The following CACNA1D variants were observed in gnomAD, a reference collection of about 807,000 sequenced individuals.
The protein encoded by CACNA1D is voltage-dependent L-type calcium channel subunit alpha-1D.
CACNA1D carries 55 observed loss-of-function variants against 257.1 expected under a neutral mutation model. The ratio of observed to expected loss-of-function variants is 0.21; its 90% CI spans 0.17 to 0.27. The LOEUF (loss-of-function observed/expected upper bound fraction) is 0.27, where lower values mean the gene tolerates loss of function less well. Among genes scored for constraint, CACNA1D ranks in the 10% least tolerant of loss-of-function variants. The pLI is 1.00. For missense variants in CACNA1D, 1,876 were observed against 2,784.0 expected (o/e 0.67, Z 7.34); for synonymous variants, 980 against 1,014.9 (o/e 0.97, Z 0.65).
chr3:53,632,477 C>G (rs1468270154), intron 3 of CACNA1D, among the ~76,000 whole-genome samples: 1 of 152,228 alleles, frequency 6.6e-6, no homozygotes, highest in African/African-American at 2.4e-5. Context: ...TTCTTATCAT[C>G]ATTTGTTCAT....
In CACNA1D at chr3:53,789,944, T is replaced by C. The variant is rs1273825021; in HGVS notation, c.4923+2992T>C. 1.3e-5 allele frequency among the ~76,000 whole-genome samples: 2 copies of C among 152,306 alleles called. No individual in the cohort carries two copies. Among genetic ancestry groups the C allele is most frequent in the South Asian group, 4.1e-4 (2 of 4,820 alleles). ...TGGCTTGAGCTCCTGGATCCATGTG[T>C]GGGAAGGAGCTCGGCATCCGGTGTC... On this transcript the variant is annotated intron_variant, in intron 40 of 47. Coordinates refer to ENST00000350061, the MANE Select transcript of CACNA1D (RefSeq NM_001128840.3). The surrounding 1 kb of genome is among the most constrained non-coding windows in gnomAD (Gnocchi z 4.2).
At chr3:53,747,230 T>G (rs2095178367) in intron 25 of CACNA1D, 72 bp from the exon 26 acceptor site, 2 of 1,327,898 alleles carry the variant, frequency 1.5e-6, no homozygotes, top group Non-Finnish European at 2.2e-6. Flanking sequence ...ATTGGGGCAG[T>G]GTGTCCAACT....
intron 3 of CACNA1D, among the ~76,000 whole-genome samples, chr3:53,529,479 C>G (rs1467252858): frequency 6.6e-6 from 1 of 152,098 alleles, no homozygotes; most frequent in Non-Finnish European, 1.5e-5. Flanking sequence ...TGTAATGTCC[C>G]TGTCTGGCTT....
chr3:53,718,358 G>A lies in CACNA1D; in HGVS notation c.1448G>A (p.Gly483Asp). 1 of 1,614,198 alleles carries A rather than the reference G, an allele frequency of 6.2e-7. No homozygotes were observed. The highest frequency in any genetic ancestry group is 8.5e-7 in the Non-Finnish European group (1 of 1,180,014). ...SVNTENVSGEGENRGCCGSLC... is the reference protein window; with the variant it reads ...SVNTENVSGEDENRGCCGSLC... ...AACACAGAGAACGTCAGCGGTGAAG[G>A]CGAGAACCGAGGCTGCTGTGGAAGT... is the stretch of plus-strand genomic sequence containing the variant. Residue 483 changes from glycine to aspartate, a missense_variant, in exon 10 of 48, where the codon GGC becomes GAC. Coordinates refer to ENST00000350061, the MANE Select transcript of CACNA1D (RefSeq NM_001128840.3).
At chr3:53,749,207 C>A in intron 26 of CACNA1D, 61 bp from the exon 27 acceptor site, 4 of 1,205,742 alleles carry the variant, frequency 3.3e-6, no homozygotes, top group Non-Finnish European at 4.9e-6. Context: ...GGGAAGGCAG[C>A]GGGCTGGGCC....
At chr3:53,753,034 C>T (rs1267910331) in intron 28 of CACNA1D, among the ~76,000 whole-genome samples, 1 of 152,250 alleles carries the variant, frequency 6.6e-6, no homozygotes, top group African/African-American at 2.4e-5. Context: ...TCCAGCACAT[C>T]AAACCAGCTC....
At chr3:53,718,208 A>G in intron 9 of CACNA1D, 93 bp from the exon 10 acceptor site, 2 of 1,057,982 alleles carry the variant, frequency 1.9e-6, no homozygotes, top group Non-Finnish European at 1.5e-6. Context: ...TGGGTTCCGG[A>G]GGTCTGCCTG....
intron 3 of CACNA1D, among the ~76,000 whole-genome samples, chr3:53,629,418 G>T (rs2093797651): frequency 6.6e-6 from 1 of 152,228 alleles, no homozygotes; most frequent in Admixed American, 6.5e-5. Flanking sequence ...CACAGCAGAT[G>T]TTCAGGAACT....
intron 8 of CACNA1D, among the ~76,000 whole-genome samples, chr3:53,700,937 C>T (rs1472924241): frequency 6.7e-6 from 1 of 149,370 alleles, no homozygotes; most frequent in Non-Finnish European, 1.5e-5. Context: ...GGCTGGAGTG[C>T]AATGGTGCAA....
At chr3:53,514,211 A>G (rs1347856116) in intron 3 of CACNA1D, among the ~76,000 whole-genome samples, 1 of 152,140 alleles carries the variant, frequency 6.6e-6, no homozygotes, top group Non-Finnish European at 1.5e-5. Context: ...TGGCAGGGCC[A>G]GGATTCACAC....
At chr3:53,644,398 A>T (rs373107661) in intron 3 of CACNA1D, among the ~76,000 whole-genome samples, 2 of 152,352 alleles carry the variant, frequency 1.3e-5, no homozygotes, top group South Asian at 2.1e-4. Flanking sequence ...TATGTTGTAC[A>T]ATAGATCTCC....
At chr3:53,629,776 C>G (rs1174848709) in intron 3 of CACNA1D, among the ~76,000 whole-genome samples, 2 of 152,226 alleles carry the variant, frequency 1.3e-5, no homozygotes, top group Admixed American at 6.5e-5. Context: ...AGAAAGTTCA[C>G]CACTTTGAGC....
At position 53,723,032 on chromosome 3, in the gene CACNA1D, A is replaced by G. The variant is rs2094897309; in HGVS notation, c.1667-402A>G. ...TGACTGCTTCTGATATCGTCATGCC[A>G]TAAATGAATTCAGACAGATCTTTTC... is the stretch of plus-strand genomic sequence containing the variant. On this transcript the variant is annotated intron_variant, in intron 12 of 47. Coordinates refer to ENST00000350061, the MANE Select transcript of CACNA1D (RefSeq NM_001128840.3). This position sits in a 1 kb window ranked among gnomAD's most constrained non-coding sequence, Gnocchi z 5.6. 1.3e-5 allele frequency among the ~76,000 whole-genome samples: 2 copies of G among 152,204 alleles called. No individual in the cohort carries two copies. The highest frequency in any genetic ancestry group is 2.9e-5 in the Non-Finnish European group (2 of 68,042).
chr3:53,782,276 A>G (rs909172579), intron 39 of CACNA1D: 8 of 140,380 alleles, frequency 5.7e-5, no homozygotes, highest in Middle Eastern at 3.7e-3. Flanking sequence ...ATATATATAT[A>G]TATATATATA....
chr3:53,762,126 C>A, intron 30 of CACNA1D, 45 bp downstream of exon 30: 2 of 1,197,376 alleles, frequency 1.7e-6, no homozygotes, highest in Non-Finnish European at 2.5e-6. Flanking sequence ...CCTCTCTCCT[C>A]TGTCTGTGCA....
At chr3:53,655,218 T>C (rs572555358) in intron 4 of CACNA1D, among the ~76,000 whole-genome samples, 9 of 152,354 alleles carry the variant, frequency 5.9e-5, no homozygotes, top group Admixed American at 2.0e-4. Flanking sequence ...CAATCTGTAT[T>C]GATGGGCATG....
intron 25 of CACNA1D, among the ~76,000 whole-genome samples, chr3:53,746,615 C>T (rs2095171426): frequency 6.6e-6 from 1 of 152,130 alleles, no homozygotes; most frequent in African/African-American, 2.4e-5. Flanking sequence ...CAGAGAGCAC[C>T]AATTGCAATT....
intron 39 of CACNA1D, chr3:53,786,604 T>C: frequency 1.7e-6 from 1 of 571,770 alleles, no homozygotes; most frequent in Non-Finnish European, 3.1e-6. Context: ...TATCAGTTCA[T>C]TTAACTGACA....
intron 19 of CACNA1D, among the ~76,000 whole-genome samples, chr3:53,734,924 G>A (rs1342705208): frequency 6.6e-6 from 1 of 152,214 alleles, no homozygotes; most frequent in East Asian, 1.9e-4. Flanking sequence ...TGTGTGAACT[G>A]TTGAGGGCAG....
Sources: gnomAD v4.1 joint callset for allele counts (sites outside exome capture counted in the v4.1 genomes callset) on GRCh38, gnomAD v4.1.1 for gene constraint, Gnocchi (gnomAD v3.1) non-coding constraint, MANE v1.5 for transcripts, NCBI Gene and HGNC (gene_info 2026-07-23, HGNC 2026-07-21) for gene names.